PCDH15: variants seen among roughly 807,000 people sequenced by gnomAD.
PCDH15 encodes protocadherin related 15, also known as protocadherin-15.
A neutral mutation model predicts 178.5 loss-of-function variants in PCDH15; 129 were observed. The observed-to-expected ratio is 0.72, with a 90% CI of 0.63 to 0.84. The LOEUF (loss-of-function observed/expected upper bound fraction) is 0.84. PCDH15 is among the 40% of genes least tolerant of loss of function. PCDH15 has a pLI of 0.00. For synonymous variants in PCDH15, 800 were observed against 732.0 expected (o/e 1.09, Z -1.50); for missense variants, 2,230 against 2,099.9 (o/e 1.06, Z -1.21).
chr10:54,977,231 T>C (rs957317696), intron 2 of PCDH15, among the ~76,000 whole-genome samples: 5 of 152,130 alleles, frequency 3.3e-5, no homozygotes, highest in African/African-American at 4.8e-5. Flanking sequence ...GCTGCATTCA[T>C]AGGAGATTAG....
At chr10:53,916,731 C>T (rs779112445) in intron 25 of PCDH15, among the ~76,000 whole-genome samples, 6 of 152,074 alleles carry the variant, frequency 3.9e-5, no homozygotes, top group Non-Finnish European at 8.8e-5. Flanking sequence ...GCTGTGTGAC[C>T]TTATACAGGT....
chr10:54,984,561 G>A (rs763788189), intron 2 of PCDH15, among the ~76,000 whole-genome samples: 19 of 152,178 alleles, frequency 1.2e-4, no homozygotes, highest in Non-Finnish European at 1.9e-4. Flanking sequence ...GCTTTTGGCT[G>A]GGCACAGTGG....
chr10:54,146,686 C>G (rs547433185), intron 14 of PCDH15, among the ~76,000 whole-genome samples: 4 of 151,216 alleles, frequency 2.6e-5, no homozygotes, highest in Admixed American at 6.6e-5. Context: ...CACAGACATA[C>G]GTATTTCATT....
intron 8 of PCDH15, among the ~76,000 whole-genome samples, chr10:54,250,315 A>C (rs115479997): frequency 0.04 from 5,681 of 141,306 alleles, 310 homozygotes; most frequent in African/African-American, 0.12. Context: ...CGCTCTGTCA[A>C]CCAGTTGCCC....
At chr10:54,196,963 T>G (rs1038535100) in intron 10 of PCDH15, among the ~76,000 whole-genome samples, 1 of 152,180 alleles carries the variant, frequency 6.6e-6, no homozygotes, top group African/African-American at 2.4e-5. Flanking sequence ...CCATCCAGTT[T>G]ATGGTGTTTT....
intron 18 of PCDH15, among the ~76,000 whole-genome samples, chr10:54,060,866 G>A (rs1402012775): frequency 6.6e-6 from 1 of 152,020 alleles, no homozygotes; most frequent in East Asian, 1.9e-4. Flanking sequence ...TAGGTAAGAT[G>A]AGAAGTCCGG....
At chr10:54,344,904 C>CCAAAAAAAAAAAA (rs58908008) in intron 6 of PCDH15, among the ~76,000 whole-genome samples, 1 of 78,886 alleles carries the variant, frequency 1.3e-5, no homozygotes, top group Non-Finnish European at 2.3e-5. Flanking sequence ...AGAAACAAAG[C>CCAAAAAAAAAAAA]AAAAAAAAAA....
intron 1 of PCDH15, among the ~76,000 whole-genome samples, chr10:54,707,318 T>C (rs1033757842): frequency 6.6e-6 from 1 of 152,196 alleles, no homozygotes; most frequent in African/African-American, 2.4e-5. Context: ...CTTAGTACTA[T>C]AGATACCACT....
intron 3 of PCDH15, among the ~76,000 whole-genome samples, chr10:54,839,002 A>T (rs1953370316): frequency 6.6e-6 from 1 of 152,074 alleles, no homozygotes. Context: ...TTGTAGAGGC[A>T]CTCCTGTCAC....
At chr10:55,013,942 C>G (rs1447044950) in intron 2 of PCDH15, among the ~76,000 whole-genome samples, 1 of 152,004 alleles carries the variant, frequency 6.6e-6, no homozygotes, top group Non-Finnish European at 1.5e-5. Flanking sequence ...CTCATTGAAT[C>G]TTCTAGTCTC....
At chr10:54,499,815 A>G (rs2080487327) in intron 3 of PCDH15, among the ~76,000 whole-genome samples, 1 of 152,150 alleles carries the variant, frequency 6.6e-6, no homozygotes, top group Admixed American at 6.6e-5. Context: ...TAAAGAAATA[A>G]CCAAATTAGA....
chr10:54,533,359 TCAG>T (rs2084129754), intron 2 of PCDH15, among the ~76,000 whole-genome samples: 1 of 152,128 alleles, frequency 6.6e-6, no homozygotes, highest in Non-Finnish European at 1.5e-5. Flanking sequence ...TGGTGACAAC[TCAG>T]CAGATGTGAA....
intron 8 of PCDH15, among the ~76,000 whole-genome samples, chr10:54,256,014 A>G (rs975341598): frequency 1.3e-5 from 2 of 152,212 alleles, no homozygotes; most frequent in Non-Finnish European, 2.9e-5. Context: ...ATACAGATGT[A>G]AGAAAGGGGA....
intron 7 of PCDH15, among the ~76,000 whole-genome samples, chr10:54,326,797 CATT>C (rs931451962): frequency 1.2e-4 from 18 of 151,954 alleles, no homozygotes; most frequent in Non-Finnish European, 2.4e-4. Context: ...AATGGTGATC[CATT>C]ATTATTATCT....
chr10:55,286,006 G>T (rs879518878), intron 1 of PCDH15, among the ~76,000 whole-genome samples: 3 of 151,902 alleles, frequency 2.0e-5, no homozygotes, highest in Non-Finnish European at 4.4e-5. Flanking sequence ...ATTATTCAAA[G>T]ATTTAAACAA....
At chr10:54,141,671 A>G (rs2043424343) in intron 14 of PCDH15, among the ~76,000 whole-genome samples, 1 of 151,978 alleles carries the variant, frequency 6.6e-6, no homozygotes. Context: ...CACTCAATTG[A>G]ATTAGGTAGT....
intron 3 of PCDH15, among the ~76,000 whole-genome samples, chr10:54,880,418 C>G (rs1954241470): frequency 6.6e-6 from 1 of 151,884 alleles, no homozygotes; most frequent in African/African-American, 2.4e-5. Flanking sequence ...ATTAAATGTG[C>G]CTGCCAGAAA....
At chr10:55,474,663 T>G (rs1458481583) in intron 2 of PCDH15, among the ~76,000 whole-genome samples, 2 of 152,188 alleles carry the variant, frequency 1.3e-5, no homozygotes, top group Non-Finnish European at 2.9e-5. Context: ...AGGAAAACAA[T>G]GAGAAGATGT....
chr10:54,168,357 C>T (rs2046486600), intron 13 of PCDH15, among the ~76,000 whole-genome samples: 1 of 151,836 alleles, frequency 6.6e-6, no homozygotes, highest in Non-Finnish European at 1.5e-5. Flanking sequence ...CCCCTCAGTA[C>T]CAACCCCAAG....
Sources: gnomAD v4.1 joint callset for allele counts (sites outside exome capture counted in the v4.1 genomes callset) on GRCh38, gnomAD v4.1.1 for gene constraint, MANE v1.5 for transcripts, NCBI Gene and HGNC (gene_info 2026-07-23, HGNC 2026-07-21) for gene names.